Variants in TLN2 observed in about 807,000 individuals in gnomAD.
TLN2 encodes the protein talin 2, also known as talin-2.
Under a neutral mutation model 294.7 loss-of-function variants are expected in TLN2, and 118 were observed. The ratio of observed to expected loss-of-function variants is 0.40; its 90% CI spans 0.34 to 0.47. The LOEUF is 0.47. Ranked by LOEUF, TLN2 falls within the 20% of genes least tolerant of loss-of-function variation. The probability of loss-of-function intolerance (pLI) is 0.84; values close to 1 mark genes in which losing one functional copy is unlikely to be tolerated. For missense variants in TLN2, 3,083 were observed against 3,282.2 expected (o/e 0.94, Z 1.48); for synonymous variants, 1,431 against 1,304.5 (o/e 1.10, Z -2.09).
rs192770624 is a variant in TLN2, at chr15:62,566,114, G to A, written c.-237-23573G>A. 4.0e-3 allele frequency among the ~76,000 whole-genome samples: 613 copies of A among 152,176 alleles called. 6 individuals carry two copies. Among genetic ancestry groups the A allele is most frequent in the African/African-American group, 0.014 (590 of 41,504 alleles). ...AAGGAAATGACTGAGATAAAGCATG[G>A]CAAATGTTCCATTAGACTAGGTATG... On this transcript the variant is annotated intron_variant, in intron 1 of 58. Coordinates refer to ENST00000636159, the MANE Select transcript of TLN2 (RefSeq NM_015059.3).
chr15:62,438,144 AT>A lies in TLN2; in HGVS notation c.-238+47460del, dbSNP rs564583682. On this transcript the variant is annotated intron_variant, in intron 1 of 58. Coordinates refer to ENST00000636159, the MANE Select transcript of TLN2 (RefSeq NM_015059.3). The stretch of plus-strand genomic sequence containing the variant: ...TCAGGTAGTCAAACTTACTTCCAGG[AT>A]GTCTGGCAAAGAGCCATCAGTTGCT... 9.9e-4 allele frequency among the ~76,000 whole-genome samples: 150 copies of A among 152,276 alleles called. 1 individual carries two copies. Among genetic ancestry groups the A allele is most frequent in the African/African-American group, 3.3e-3 (137 of 41,558 alleles).
intron 1 of TLN2, among the ~76,000 whole-genome samples, chr15:62,481,881 C>A (rs1364003132): frequency 6.6e-6 from 1 of 150,392 alleles, no homozygotes; most frequent in East Asian, 2.0e-4. Context: ...ATTGCAACCT[C>A]CGCCTCCTGG....
At chr15:62,485,102 C>T (rs1227589645) in intron 1 of TLN2, among the ~76,000 whole-genome samples, 1 of 152,190 alleles carries the variant, frequency 6.6e-6, no homozygotes, top group African/African-American at 2.4e-5. Flanking sequence ...ACCCTCCTTT[C>T]ATCTTCACAT....
chr15:62,440,603 C>T (rs1055832603), intron 1 of TLN2, among the ~76,000 whole-genome samples: 5 of 152,186 alleles, frequency 3.3e-5, no homozygotes, highest in Admixed American at 6.5e-5. Context: ...GTGAATGTTT[C>T]CATGGCAACC....
At chr15:62,839,128 C>A (rs2070254539) in intron 58 of TLN2, 147 bp downstream of exon 58, 2 of 1,208,802 alleles carry the variant, frequency 1.7e-6, no homozygotes, top group African/African-American at 1.5e-5. Context: ...GTCTGAGAGC[C>A]AGATCCATCT....
intron 1 of TLN2, among the ~76,000 whole-genome samples, chr15:62,558,891 A>G (rs1045097920): frequency 2.0e-5 from 3 of 152,158 alleles, no homozygotes; most frequent in Admixed American, 6.5e-5. Context: ...CTGATAAAAG[A>G]GGGGGCAGGA....
Position 62,517,810 on chromosome 15 carries a change from C to T in TLN2, c.-237-71877C>T, listed in dbSNP as rs190574279. On this transcript the variant is annotated intron_variant, in intron 1 of 58. Transcript: ENST00000636159. ...ACCTGTTGGGTAAGTCTGTTTGTCT[C>T]TTTCTTTTTTTAAATGAAATAATTA... Among the ~76,000 whole-genome samples the T allele has an allele frequency of 5.9e-4, 90 of 152,262 alleles. No homozygotes were observed. In the East Asian group the frequency reaches 0.014, roughly 23 times the overall value.
intron 1 of TLN2, among the ~76,000 whole-genome samples, chr15:62,584,484 C>A (rs945851387): frequency 6.6e-6 from 1 of 152,210 alleles, no homozygotes; most frequent in African/African-American, 2.4e-5. Flanking sequence ...GGTGTTGACG[C>A]TGTCTACTTG....
chr15:62,444,441 C>T (rs968921113), intron 1 of TLN2, among the ~76,000 whole-genome samples: 3 of 152,242 alleles, frequency 2.0e-5, no homozygotes, highest in Admixed American at 1.3e-4. Context: ...TGTGAATACT[C>T]CCATAGCATA....
At chr15:62,463,248 G>C (rs1372982418) in intron 1 of TLN2, among the ~76,000 whole-genome samples, 1 of 152,094 alleles carries the variant, frequency 6.6e-6, no homozygotes, top group Non-Finnish European at 1.5e-5. Flanking sequence ...CCCACTTTCT[G>C]ACCGTCCGCC....
At chr15:62,558,473 TTTC>T (rs2140581365) in intron 1 of TLN2, among the ~76,000 whole-genome samples, 1 of 152,314 alleles carries the variant, frequency 6.6e-6, no homozygotes, top group South Asian at 2.1e-4. Context: ...GAAAAATCAT[TTTC>T]TTCTTCAACC....
chr15:62,827,019 G>A (rs2068276146), intron 54 of TLN2, among the ~76,000 whole-genome samples: 1 of 152,140 alleles, frequency 6.6e-6, no homozygotes, highest in Admixed American at 6.5e-5. Context: ...TGTGGAGCCA[G>A]TTGTGAGAAG....
intron 11 of TLN2, among the ~76,000 whole-genome samples, chr15:62,677,621 A>G (rs1186901918): frequency 6.6e-6 from 1 of 151,830 alleles, no homozygotes; most frequent in Non-Finnish European, 1.5e-5. Context: ...ATCAAACCAA[A>G]TCTCCTTTTA....
chr15:62,794,920 T>A (rs1414038951), intron 46 of TLN2, among the ~76,000 whole-genome samples: 3 of 152,162 alleles, frequency 2.0e-5, no homozygotes, highest in African/African-American at 7.2e-5. Flanking sequence ...CTTCTTTGGG[T>A]CGTAGTCAAG....
intron 1 of TLN2, among the ~76,000 whole-genome samples, chr15:62,437,230 GCTAGAGGT>G (rs2035327768): frequency 6.6e-6 from 1 of 152,314 alleles, no homozygotes; most frequent in African/African-American, 2.4e-5. Flanking sequence ...TGTACAGCCT[GCTAGAGGT>G]CTAGGAATCC....
At chr15:62,711,745 A>G (rs1474229487) in intron 21 of TLN2, among the ~76,000 whole-genome samples, 166 bp from the exon 22 acceptor site, 1 of 152,106 alleles carries the variant, frequency 6.6e-6, no homozygotes, top group African/African-American at 2.4e-5. Flanking sequence ...GAATATTTTC[A>G]TTTTGGGCTC....
chr15:62,640,895 G>T (rs372387845), intron 3 of TLN2, among the ~76,000 whole-genome samples: 2 of 151,992 alleles, frequency 1.3e-5, no homozygotes, highest in Admixed American at 6.5e-5. Context: ...ACTACCTCCC[G>T]GGTTCCAGCA....
intron 1 of TLN2, among the ~76,000 whole-genome samples, chr15:62,541,478 G>GA (rs1237591716): frequency 1.3e-5 from 2 of 152,124 alleles, no homozygotes. Context: ...TGCTCCCAAG[G>GA]ACACTGCCTG....
At chr15:62,725,243 C>G (rs2060373067) in intron 27 of TLN2, 139 bp downstream of exon 27, 2 of 1,297,682 alleles carry the variant, frequency 1.5e-6, no homozygotes, top group Non-Finnish European at 2.0e-6. Flanking sequence ...AAAAGAATGC[C>G]CAGGGCAGCT....
Sources: allele counts gnomAD v4.1 joint callset (sites outside exome capture counted in the v4.1 genomes callset), GRCh38; gene constraint gnomAD v4.1.1; transcripts MANE v1.5; gene names NCBI Gene and HGNC (gene_info 2026-07-23, HGNC 2026-07-21).